PCDHGB7: variants seen among roughly 807,000 people sequenced by gnomAD.
PCDHGB7 encodes protocadherin gamma subfamily B, 7.
Under a neutral mutation model 61.4 loss-of-function variants are expected in PCDHGB7, and 37 were observed. The observed-to-expected ratio is 0.60, with a 90% confidence interval of 0.46 to 0.79. The LOEUF is 0.79. Among genes scored for constraint, PCDHGB7 ranks in the 30% least tolerant of loss-of-function variants. The pLI is 0.00. For synonymous variants in PCDHGB7, 464 were observed against 503.5 expected, an observed-to-expected ratio of 0.92 and a Z score of 1.05; for missense variants, 1,166 against 1,202.5, an observed-to-expected ratio of 0.97 and a Z score of 0.45.
chr5:141,443,118 C>A (rs1474257262), intron 1 of PCDHGB7, among the ~76,000 whole-genome samples: 1 of 151,762 alleles, frequency 6.6e-6, no homozygotes, highest in Non-Finnish European at 1.5e-5. Flanking sequence ...GCTTTTCAAA[C>A]CAGATTAAGA....
rs181453589 is a variant in PCDHGB7, at chr5:141,418,498, C to T, written c.639C>T (p.Thr213=). ...ETQSAHHLVL[T]ALDGGDPPRS... ...AGAGCGCTCACCACTTGGTACTGAC[C>T]GCCTTAGATGGTGGGGACCCTCCCC... Residue 213 remains threonine, a synonymous_variant, in exon 1 of 4, where the codon ACC becomes ACT. Coordinates refer to ENST00000398594, the MANE Select transcript of PCDHGB7 (RefSeq NM_018927.4). 6.2e-6 allele frequency: 10 copies of T among 1,613,968 alleles called. No homozygotes were observed. The highest frequency in any genetic ancestry group is 2.2e-5 in the East Asian group (1 of 44,874).
chr5:141,459,406 A>C (rs2098967498), intron 1 of PCDHGB7, among the ~76,000 whole-genome samples: 1 of 152,218 alleles, frequency 6.6e-6, no homozygotes, highest in Admixed American at 6.5e-5. Flanking sequence ...GCAGTATTGC[A>C]TTGTGTGGAT....
chr5:141,447,161 C>T (rs1432238455), intron 1 of PCDHGB7, among the ~76,000 whole-genome samples: 1 of 151,728 alleles, frequency 6.6e-6, no homozygotes, highest in East Asian at 1.9e-4. Flanking sequence ...TTTGTTTAAG[C>T]GGGGTCTTGC....
rs374476072 is a variant in PCDHGB7, at chr5:141,419,103, C to T, written c.1244C>T (p.Thr415Ile). 5 of 1,613,886 alleles carry T rather than the reference C, an allele frequency of 3.1e-6. 1 individual carries two copies. Among genetic ancestry groups the T allele is most frequent in the South Asian group, 1.1e-5 (1 of 91,088 alleles). Residue 415 changes from threonine to isoleucine, a missense_variant, in exon 1 of 4, where the codon ACC becomes ATC. Physicochemically the swap from Thr to Ile is moderately conservative, Grantham distance 89 (BLOSUM62 -1). Transcript: ENST00000398594. ...GATGAGGCCCTGGATCGGGAGCAGA[C>T]CCCAGAGTACAACGTCACCATCGCA... is the stretch of plus-strand genomic sequence containing the variant. ...VTDEALDREQ[T>I]PEYNVTIAAT...
At chr5:141,461,082 T>C (rs2099008648) in intron 1 of PCDHGB7, among the ~76,000 whole-genome samples, 1 of 152,070 alleles carries the variant, frequency 6.6e-6, no homozygotes, top group South Asian at 2.1e-4. Flanking sequence ...AATTGTGAAT[T>C]GTGCTGCTAT....
At chr5:141,422,966 C>A (rs762530904) in intron 1 of PCDHGB7, 1 of 1,614,112 alleles carries the variant, frequency 6.2e-7, no homozygotes, top group Admixed American at 1.7e-5. Flanking sequence ...GAGCTGGCGC[C>A]CCGCTCTGCG....
At chr5:141,420,473 G>A (rs1016985115) in intron 1 of PCDHGB7, 199 bp downstream of exon 1, 8 of 707,118 alleles carry the variant, frequency 1.1e-5, no homozygotes, top group Non-Finnish European at 1.6e-5. Flanking sequence ...ACATTTTAAA[G>A]CAAACTACAT....
chr5:141,437,628 T>C (rs2097897572), intron 1 of PCDHGB7, among the ~76,000 whole-genome samples: 1 of 152,212 alleles, frequency 6.6e-6, no homozygotes, highest in African/African-American at 2.4e-5. Context: ...CCATATAAGA[T>C]GTCAGGTTCA....
At chr5:141,481,560 G>A (rs1594155886) in intron 1 of PCDHGB7, among the ~76,000 whole-genome samples, 1 of 152,212 alleles carries the variant, frequency 6.6e-6, no homozygotes, top group Non-Finnish European at 1.5e-5. Flanking sequence ...GCTCACGCCT[G>A]TAATCCCAGT....
At chr5:141,456,119 C>G (rs902179639) in intron 1 of PCDHGB7, among the ~76,000 whole-genome samples, 3 of 151,826 alleles carry the variant, frequency 2.0e-5, no homozygotes, top group Non-Finnish European at 4.4e-5. Flanking sequence ...GGATGGTCTC[C>G]ATCTCCTGAC....
rs1561852927 is a variant in PCDHGB7, at chr5:141,431,472, A to G, written c.2415+11198A>G. On this transcript the variant is annotated intron_variant, in intron 1 of 3. Coordinates refer to ENST00000398594, the MANE Select transcript of PCDHGB7 (RefSeq NM_018927.4). The surrounding 1 kb of genome is among the most constrained non-coding windows in gnomAD (Gnocchi z 4.8). The stretch of plus-strand genomic sequence containing the variant: ...GTGATGGTTCTGGATGCGAACGACA[A>G]CGCACCAGCGTTTGCTCAGCCCGAG... 6.2e-7 allele frequency: 1 copy of G among 1,613,784 alleles called. No individual in the cohort carries two copies. The highest frequency in any genetic ancestry group is 8.5e-7 in the Non-Finnish European group (1 of 1,179,948).
chr5:141,487,314 A>G lies in PCDHGB7; in HGVS notation c.2416-7493A>G. ...GGCTCATTCGTGGCACTACTCTCTAAGTGTCTTCGTGGGGCAGCCTGTGGA... is the reference window on the plus strand; with the variant it reads ...GGCTCATTCGTGGCACTACTCTCTAGGTGTCTTCGTGGGGCAGCCTGTGGA... On this transcript the variant is annotated intron_variant, in intron 1 of 3. Transcript: ENST00000398594. The surrounding 1 kb of genome is among the most constrained non-coding windows in gnomAD (Gnocchi z 5.0). The G allele has an allele frequency of 6.2e-7, 1 of 1,614,002 alleles. No individual in the cohort carries two copies. Among genetic ancestry groups the G allele is most frequent in the African/African-American group, 1.3e-5 (1 of 74,994 alleles).
Position 141,419,336 on chromosome 5 carries a change from G to A in PCDHGB7, c.1477G>A (p.Ala493Thr), listed in dbSNP as rs762064534. 6.8e-6 allele frequency: 11 copies of A among 1,613,772 alleles called. No individual in the cohort carries two copies. In the African/African-American group the frequency reaches 1.3e-4, roughly 20 times the overall value. ...CGGCCGTGTCTCCTACTCTCTCATT[G>A]CCAGCGACCTGGAGTCACGAACGCT... ...LNGRVSYSLI[A>T]SDLESRTLSS... The change falls in exon 1 of 4, where the codon GCC (alanine) becomes ACC (threonine). Residue 493 changes from alanine (A) to threonine (T), a missense_variant. Coordinates refer to ENST00000398594, the MANE Select transcript of PCDHGB7 (RefSeq NM_018927.4).
At chr5:141,479,048 C>A (rs1253895615) in intron 1 of PCDHGB7, among the ~76,000 whole-genome samples, 1 of 152,150 alleles carries the variant, frequency 6.6e-6, no homozygotes, top group Admixed American at 6.5e-5. Flanking sequence ...GTACCTCATT[C>A]TCAGATAATT....
chr5:141,422,106 C>G (rs763336868), intron 1 of PCDHGB7: 1 of 1,607,266 alleles, frequency 6.2e-7, no homozygotes, highest in Admixed American at 1.7e-5. Flanking sequence ...CTGAAATATT[C>G]CAATTGGATT....
rs768812729 is a variant in PCDHGB7, at chr5:141,491,543, A to T, written c.2416-3264A>T. 2.5e-6 allele frequency: 4 copies of T among 1,613,842 alleles called. No individual in the cohort carries two copies. The highest frequency in any genetic ancestry group is 3.4e-6 in the Non-Finnish European group (4 of 1,179,982). The stretch of plus-strand genomic sequence containing the variant: ...ATGGAGGTGACGCTGCGGCCCACAG[A>T]CTCGCAGAGCCACTGCTACAGGACG... On this transcript the variant is annotated intron_variant, in intron 1 of 3. Transcript: ENST00000398594. This position sits in a 1 kb window ranked among gnomAD's most constrained non-coding sequence, Gnocchi z 6.9.
intron 1 of PCDHGB7, chr5:141,421,951 A>G: frequency 6.2e-7 from 1 of 1,612,854 alleles, no homozygotes; most frequent in Non-Finnish European, 8.5e-7. Flanking sequence ...TCACATCCCA[A>G]TGTTTACACA....
At position 141,432,455 on chromosome 5, in the gene PCDHGB7, G is replaced by A; in HGVS notation, c.2415+12181G>A. The A allele has an allele frequency of 6.2e-7, 1 of 1,614,176 alleles. No individual in the cohort carries two copies. The highest frequency in any genetic ancestry group is 8.5e-7 in the Non-Finnish European group (1 of 1,180,042). On this transcript the variant is annotated intron_variant, in intron 1 of 3. Transcript: ENST00000398594. The surrounding 1 kb of genome is among the most constrained non-coding windows in gnomAD (Gnocchi z 6.0). ...CAATGCGCCCGAGATCCTGTACCCCGCCCTCCCCACGGACGGTTCCACTGG... is the reference window on the plus strand; with the variant it reads ...CAATGCGCCCGAGATCCTGTACCCCACCCTCCCCACGGACGGTTCCACTGG...
At position 141,419,700 on chromosome 5, in the gene PCDHGB7, C is replaced by T; in HGVS notation, c.1841C>T (p.Pro614Leu). 1.2e-6 allele frequency: 2 copies of T among 1,612,974 alleles called. No homozygotes were observed. The highest frequency in any genetic ancestry group is 1.7e-6 in the Non-Finnish European group (2 of 1,179,504). Residue 614 changes from proline to leucine, a missense_variant, in exon 1 of 4, where the codon CCC becomes CTC. By Grantham distance (98) the Pro-to-Leu change is moderately conservative. Coordinates refer to ENST00000398594, the MANE Select transcript of PCDHGB7 (RefSeq NM_018927.4). ...LSYHVVQASE[P>L]GLFSLGLRTG... ...TACCACGTGGTGCAGGCCAGTGAGCCCGGGCTCTTCAGCCTGGGGCTGCGA... is the reference window on the plus strand; with the variant it reads ...TACCACGTGGTGCAGGCCAGTGAGCTCGGGCTCTTCAGCCTGGGGCTGCGA...
Sources: gnomAD v4.1 joint callset for allele counts (sites outside exome capture counted in the v4.1 genomes callset) on GRCh38, gnomAD v4.1.1 for gene constraint, Gnocchi (gnomAD v3.1) non-coding constraint, MANE v1.5 for transcripts, NCBI Gene and HGNC (gene_info 2026-07-23, HGNC 2026-07-21) for gene names.